PIK3R6: variants seen among roughly 807,000 people sequenced by gnomAD.
The protein encoded by PIK3R6 is phosphoinositide 3-kinase regulatory subunit 6.
PIK3R6 carries 91 observed loss-of-function variants against 84.9 expected under a neutral mutation model. The observed-to-expected ratio is 1.07, with a 90% CI of 0.90 to 1.28. PIK3R6 has a LOEUF of 1.28. Ranked by LOEUF, PIK3R6 falls within the 50% of genes most tolerant of loss-of-function variation. PIK3R6 has a pLI of 0.00. For missense variants in PIK3R6, 996 were observed against 985.1 expected (o/e 1.01, Z -0.15); for synonymous variants, 416 against 411.4 (o/e 1.01, Z -0.13).
At chr17:8,863,780 G>C (rs142388544) in intron 1 of PIK3R6, among the ~76,000 whole-genome samples, 5 of 152,108 alleles carry the variant, frequency 3.3e-5, no homozygotes, top group African/African-American at 9.7e-5. Flanking sequence ...TGATCCACCC[G>C]CCTCGGCCTC....
chr17:8,838,893 GAC>G (rs3216919), intron 3 of PIK3R6, among the ~76,000 whole-genome samples: 128,828 of 152,026 alleles, frequency 0.85, 54,756 homozygotes, highest in African/African-American at 0.92. Context: ...GGGCAGGTGG[GAC>G]ACACCAGTGG....
intron 8 of PIK3R6, 118 bp downstream of exon 8, chr17:8,835,155 G>T (rs550012242): frequency 3.1e-5 from 36 of 1,158,826 alleles, no homozygotes; most frequent in Non-Finnish European, 1.6e-5. Flanking sequence ...ATTAATTTTT[G>T]ATTTGGGGGA....
At chr17:8,860,286 GGGC>G (rs201243302) in intron 1 of PIK3R6, among the ~76,000 whole-genome samples, 3 of 147,536 alleles carry the variant, frequency 2.0e-5, no homozygotes, top group African/African-American at 8.1e-5. Context: ...CCGCCTCCTG[GGGC>G]GGGGGGCGGT....
intron 10 of PIK3R6, 136 bp downstream of exon 10, chr17:8,829,570 A>G (rs1567588812): frequency 8.8e-6 from 8 of 914,176 alleles, no homozygotes; most frequent in Non-Finnish European, 1.2e-5. Context: ...GCACACATAC[A>G]CACACAGACA....
At chr17:8,834,375 A>G (rs886150818) in intron 8 of PIK3R6, among the ~76,000 whole-genome samples, 1 of 151,938 alleles carries the variant, frequency 6.6e-6, no homozygotes, top group African/African-American at 2.4e-5. Context: ...GGAACAGGTC[A>G]AGGCCCTCAA....
rs375603626 is a variant in PIK3R6 at position 8,823,084 on chromosome 17, G to T, written c.1629C>A (p.Ile543=). The T allele has an allele frequency of 5.0e-5, 80 of 1,593,014 alleles. No homozygotes were observed. The highest frequency in any genetic ancestry group is 6.5e-5 in the Non-Finnish European group (75 of 1,161,066). The stretch of plus-strand genomic sequence containing the variant: ...GGTCTTGGCTCAGGTCACTGAAAAA[G>T]ATCTGGAGAGAGGAAGGGAGGGTGG... The part of the protein sequence containing the change: ...PIYFQIYTVK[I]FFSDLSQDPT... Residue 543 remains isoleucine (I), a splice_region_variant and synonymous_variant, in exon 15 of 20, where the codon ATC becomes ATA. Transcript: ENST00000619866.
At chr17:8,819,776 G>C (rs990155922) in intron 17 of PIK3R6, among the ~76,000 whole-genome samples, 1 of 128,808 alleles carries the variant, frequency 7.8e-6, no homozygotes, top group Non-Finnish European at 1.6e-5. Context: ...GTATATATAC[G>C]CACACATATA....
intron 2 of PIK3R6, among the ~76,000 whole-genome samples, chr17:8,841,862 C>G (rs12150163): frequency 0.12 from 18,431 of 152,062 alleles, 1,229 homozygotes; most frequent in Middle Eastern, 0.18. Context: ...ATTTGACCCT[C>G]CAAATCTCAT....
In PIK3R6 at chr17:8,804,217, C is replaced by T. The variant is rs2151162959; in HGVS notation, c.1996-64G>A. The T allele has an allele frequency of 1.1e-5, 15 of 1,328,930 alleles. No homozygotes were observed. The South Asian group carries it at 1.8e-4, about 16-fold the overall frequency. The allele number at this position is 1,328,930 out of a possible 1,614,324, so 82.3% of individuals were successfully genotyped here. A position where few individuals can be genotyped will look rare whatever the true frequency, so the allele number is the denominator to read the frequency against. On this transcript the variant is annotated intron_variant, in intron 18 of 19. Coordinates refer to ENST00000619866, the MANE Select transcript of PIK3R6 (RefSeq NM_001010855.4). ...CTCGACAGGTGGCCCTGCCAACATG[C>T]CCTACCCTGGAATCTGGTGTATTTC...
At position 8,828,892 on chromosome 17, in the gene PIK3R6, A is replaced by G. The variant is rs772270014; in HGVS notation, c.988T>C (p.Leu330=). 1.9e-6 allele frequency: 3 copies of G among 1,568,424 alleles called. No homozygotes were observed. Among genetic ancestry groups the G allele is most frequent in the African/African-American group, 2.7e-5 (2 of 73,122 alleles). ...GTGGACAGCACAGAAACCCGGGCCAACTCCCGGTCCGGCCGGAGGCCCTGC... is the reference window on the plus strand; with the variant it reads ...GTGGACAGCACAGAAACCCGGGCCAGCTCCCGGTCCGGCCGGAGGCCCTGC... The part of the protein sequence containing the change: ...DLQGLRPDRE[L]ARVSVLSTDS... The change falls in exon 11 of 20, where the codon TTG becomes CTG. Residue 330 remains leucine, a synonymous_variant. Coordinates refer to ENST00000619866, the MANE Select transcript of PIK3R6 (RefSeq NM_001010855.4).
In PIK3R6 at chr17:8,842,071, A is replaced by C. The variant is rs1044922234; in HGVS notation, c.14-2374T>G. Among the ~76,000 whole-genome samples, 1 of 152,032 alleles carries C rather than the reference A, an allele frequency of 6.6e-6. No individual in the cohort carries two copies. The highest frequency in any genetic ancestry group is 6.5e-5 in the Admixed American group (1 of 15,270). The stretch of plus-strand genomic sequence containing the variant: ...TCATCTCTCAGCATGTGATCTGTAC[A>C]CACTGGCTCCCCTTCCACCAGGAGT... On this transcript the variant is annotated intron_variant, in intron 2 of 19. Coordinates refer to ENST00000619866, the MANE Select transcript of PIK3R6 (RefSeq NM_001010855.4). This position sits in a 1 kb window ranked among gnomAD's most constrained non-coding sequence, Gnocchi z 4.5.
In PIK3R6 at chr17:8,824,320, C is replaced by T. The variant is rs996280367; in HGVS notation, c.1516-823G>A. Among the ~76,000 whole-genome samples the T allele has an allele frequency of 7.2e-5, 11 of 152,316 alleles. 1 individual carries two copies. The South Asian group carries it at 1.2e-3, about 17-fold the overall frequency. Reference sequence around the variant, plus strand: ...TGCGTGTTATTGGGAATGGACTATGCGTCTTGTCCTCCAGTCCTTCCCTGG... The same window carrying T: ...TGCGTGTTATTGGGAATGGACTATGTGTCTTGTCCTCCAGTCCTTCCCTGG... On this transcript the variant is annotated intron_variant, in intron 13 of 19. Coordinates refer to ENST00000619866, the MANE Select transcript of PIK3R6 (RefSeq NM_001010855.4).
intron 8 of PIK3R6, 150 bp from the exon 9 acceptor site, chr17:8,833,195 G>A (rs1597408718): frequency 8.5e-7 from 1 of 1,171,094 alleles, no homozygotes; most frequent in Non-Finnish European, 1.2e-6. Flanking sequence ...AAGGCTTCTG[G>A]ATCCCACATC....
intron 1 of PIK3R6, among the ~76,000 whole-genome samples, chr17:8,858,018 A>G (rs2089184185): frequency 6.6e-6 from 1 of 152,048 alleles, no homozygotes; most frequent in Non-Finnish European, 1.5e-5. Flanking sequence ...CTCATCAAAC[A>G]TTTATTCAGC....
intron 13 of PIK3R6, among the ~76,000 whole-genome samples, chr17:8,826,431 G>A (rs1371131388): frequency 6.6e-6 from 1 of 152,124 alleles, no homozygotes; most frequent in Admixed American, 6.5e-5. Context: ...TATACACCAT[G>A]GAATACTATG....
chr17:8,821,946 G>A lies in PIK3R6; in HGVS notation c.1789-10C>T, dbSNP rs1205891824. 6.4e-7 allele frequency: 1 copy of A among 1,566,138 alleles called. No individual in the cohort carries two copies. The highest frequency in any genetic ancestry group is 2.4e-5 in the East Asian group (1 of 42,404). On this transcript the variant is annotated splice_polypyrimidine_tract_variant and intron_variant, in intron 16 of 19. Transcript: ENST00000619866. Reference sequence around the variant, plus strand: ...GGTGGCTAAGCAAGGCCTGAGGAGGGGGATCGAGGAACAGGTGGAGGTGCT... The same window carrying A: ...GGTGGCTAAGCAAGGCCTGAGGAGGAGGATCGAGGAACAGGTGGAGGTGCT...
chr17:8,865,233 A>G (rs957297485), intron 1 of PIK3R6, among the ~76,000 whole-genome samples: 8 of 152,142 alleles, frequency 5.3e-5, no homozygotes, highest in African/African-American at 9.7e-5. Context: ...AAGATTCCAG[A>G]TCTGACTGTC....
intron 18 of PIK3R6, among the ~76,000 whole-genome samples, chr17:8,807,322 G>A (rs2087234370): frequency 1.3e-5 from 2 of 152,192 alleles, no homozygotes; most frequent in Non-Finnish European, 2.9e-5. Flanking sequence ...CCCTGCTGCA[G>A]GCCAGACACC....
chr17:8,848,746 G>C (rs1380556452), intron 2 of PIK3R6, among the ~76,000 whole-genome samples: 3 of 152,176 alleles, frequency 2.0e-5, no homozygotes, highest in African/African-American at 7.2e-5. Context: ...GCTGGTTACA[G>C]ATGACCCAGA....
Sources: allele counts gnomAD v4.1 joint callset (sites outside exome capture counted in the v4.1 genomes callset), GRCh38; gene constraint gnomAD v4.1.1; non-coding constraint Gnocchi (gnomAD v3.1); transcripts MANE v1.5; gene names NCBI Gene and HGNC (gene_info 2026-07-23, HGNC 2026-07-21).